The following ELOVL2 variants were observed in gnomAD, a reference collection of about 807,000 sequenced individuals.
ELOVL2 encodes the protein very long chain fatty acid elongase 2.
Under a neutral mutation model 37.7 loss-of-function variants are expected in ELOVL2, and 38 were observed. The ratio of observed to expected loss-of-function variants is 1.01; its 90% confidence interval spans 0.78 to 1.32. ELOVL2 has a LOEUF of 1.32. Ranked by LOEUF, ELOVL2 falls within the 40% of genes most tolerant of loss-of-function variation. The pLI, the probability that ELOVL2 is intolerant of heterozygous loss-of-function variation, is 0.00. For synonymous variants in ELOVL2, 115 were observed against 122.3 expected (o/e 0.94, Z 0.40); for missense variants, 352 against 363.6 (o/e 0.97, Z 0.26).
chr6:11,003,685 T>C (rs1782429067), intron 3 of ELOVL2, among the ~76,000 whole-genome samples: 1 of 152,228 alleles, frequency 6.6e-6, no homozygotes, highest in African/African-American at 2.4e-5. Context: ...ATTACTATCT[T>C]GCTAACTCAT....
Position 10,989,826 on chromosome 6 carries a change from C to T in ELOVL2, c.642G>A (p.Val214=), listed in dbSNP as rs566238323. ...CGCTCATGGTGTGCGTGATGGTGAG[C>T]ACGAACTGCACCTGGGGACGGCAGA... ...YLTQAQLVQF[V]LTITHTMSAV... is the part of the protein sequence containing the mutation. The change falls in exon 7 of 8, where the codon GTG becomes GTA. Residue 214 remains valine (V), a synonymous_variant. Coordinates refer to ENST00000354666, the MANE Select transcript of ELOVL2 (RefSeq NM_017770.4). 200 of 1,614,112 alleles carry T rather than the reference C, an allele frequency of 1.2e-4. 2 individuals carry two copies. In the South Asian group the frequency reaches 1.4e-3, roughly 11 times the overall value.
chr6:11,040,820 A>G (rs1468282125), intron 1 of ELOVL2, among the ~76,000 whole-genome samples: 1 of 152,200 alleles, frequency 6.6e-6, no homozygotes, highest in Non-Finnish European at 1.5e-5. Context: ...AAATATTATC[A>G]TCTTTTACAG....
chr6:10,985,165 T>A (rs761634221), intron 7 of ELOVL2, among the ~76,000 whole-genome samples: 7 of 152,278 alleles, frequency 4.6e-5, no homozygotes, highest in Middle Eastern at 6.8e-3. Context: ...AATGTCTTCT[T>A]TTGAGAAGTG....
chr6:11,002,667 G>C (rs1225956151), intron 3 of ELOVL2, among the ~76,000 whole-genome samples: 3 of 152,218 alleles, frequency 2.0e-5, no homozygotes, highest in African/African-American at 7.2e-5. Flanking sequence ...CTAGAAAGAA[G>C]ACATTTACCT....
rs762453955 is a variant in ELOVL2 at position 11,000,074 on chromosome 6, T to C, written c.333+13A>G. The C allele has an allele frequency of 1.9e-6, 3 of 1,613,604 alleles. No homozygotes were observed. Among genetic ancestry groups the C allele is most frequent in the Non-Finnish European group, 2.5e-6 (3 of 1,179,518 alleles). On this transcript the variant is annotated intron_variant, in intron 4 of 7. Transcript: ENST00000354666. ...ACTGGTTATAGTTGGTTGATTTGCTTCTAGTGGCTCACCCGGATGTCAGCT... is the reference window on the plus strand; with the variant it reads ...ACTGGTTATAGTTGGTTGATTTGCTCCTAGTGGCTCACCCGGATGTCAGCT...
chr6:11,033,663 G>A (rs547511299), intron 1 of ELOVL2, among the ~76,000 whole-genome samples: 1 of 152,288 alleles, frequency 6.6e-6, no homozygotes. Flanking sequence ...CAAGCATATA[G>A]TTAAGATTTT....
At chr6:11,009,945 G>T (rs1039741085) in intron 2 of ELOVL2, among the ~76,000 whole-genome samples, 2 of 152,048 alleles carry the variant, frequency 1.3e-5, no homozygotes, top group Non-Finnish European at 2.9e-5. Context: ...TACAGTAAGC[G>T]ACTGGTGATG....
chr6:11,003,347 C>T (rs1164137545), intron 3 of ELOVL2, among the ~76,000 whole-genome samples: 1 of 152,146 alleles, frequency 6.6e-6, no homozygotes, highest in Non-Finnish European at 1.5e-5. Flanking sequence ...ATGTTCCCCT[C>T]CCTGTGTCCA....
At chr6:10,990,598 C>T (rs1231685043) in intron 5 of ELOVL2, among the ~76,000 whole-genome samples, 156 bp from the exon 6 acceptor site, 1 of 152,002 alleles carries the variant, frequency 6.6e-6, no homozygotes, top group African/African-American at 2.4e-5. Flanking sequence ...TCCCCAATTA[C>T]TGTGCCAGTT....
intron 1 of ELOVL2, among the ~76,000 whole-genome samples, chr6:11,035,782 G>C (rs1782996514): frequency 6.6e-6 from 1 of 152,172 alleles, no homozygotes; most frequent in Admixed American, 6.5e-5. Context: ...AAGTATGCTT[G>C]CACTGGAAGA....
intron 1 of ELOVL2, among the ~76,000 whole-genome samples, chr6:11,022,454 G>GA (rs1466368634): frequency 6.6e-6 from 1 of 152,204 alleles, no homozygotes; most frequent in Non-Finnish European, 1.5e-5. Context: ...AGACAGACCA[G>GA]AATCACTCAC....
At position 11,010,835 on chromosome 6, in the gene ELOVL2, T is replaced by C. The variant is rs538768478; in HGVS notation, c.4-26A>G. The C allele has an allele frequency of 2.5e-5, 40 of 1,576,408 alleles. No individual in the cohort carries two copies. In the South Asian group the frequency reaches 4.5e-4, roughly 18 times the overall value. ...CTAAAAAGAGAAAGAAAAAATGATT[T>C]AAGTGTTTTTTTCTTCTTTTTTTGA... On this transcript the variant is annotated intron_variant, in intron 1 of 7. Coordinates refer to ENST00000354666, the MANE Select transcript of ELOVL2 (RefSeq NM_017770.4).
chr6:11,016,990 A>G (rs1162761832), intron 1 of ELOVL2, among the ~76,000 whole-genome samples: 1 of 152,162 alleles, frequency 6.6e-6, no homozygotes, highest in Non-Finnish European at 1.5e-5. Flanking sequence ...GGGAGTAATG[A>G]GCTAAGTTGG....
intron 4 of ELOVL2, among the ~76,000 whole-genome samples, chr6:10,996,321 C>G (rs1264543972): frequency 2.0e-5 from 3 of 152,134 alleles, no homozygotes; most frequent in Non-Finnish European, 4.4e-5. Flanking sequence ...GTATGGTATG[C>G]ACTGGTTTGT....
chr6:11,010,688 A>G, intron 2 of ELOVL2, 58 bp downstream of exon 2: 1 of 1,338,568 alleles, frequency 7.5e-7, no homozygotes, highest in Non-Finnish European at 1.1e-6. Context: ...CCTTTCTATA[A>G]CTAAATGGTG....
At position 11,044,160 on chromosome 6, in the gene ELOVL2, C is replaced by G; in HGVS notation, c.3+68G>C. 7.0e-7 allele frequency: 1 copy of G among 1,432,312 alleles called. No homozygotes were observed. The highest frequency in any genetic ancestry group is 9.2e-7 in the Non-Finnish European group (1 of 1,089,100). 88.7% of individuals were successfully genotyped at this position (1,432,312 alleles called of 1,614,324 possible). A position where few individuals can be genotyped will look rare whatever the true frequency, so the allele number is the denominator to read the frequency against. ...CCGGCGCCCGCTCGGCCCTTTCCCG[C>G]CCGGTGCGTGGGTCCAGGAGAGAAA... On this transcript the variant is annotated intron_variant, in intron 1 of 7. Coordinates refer to ENST00000354666, the MANE Select transcript of ELOVL2 (RefSeq NM_017770.4). The surrounding 1 kb of genome is among the most constrained non-coding windows in gnomAD (Gnocchi z 5.6).
chr6:11,028,433 C>T (rs981842262), intron 1 of ELOVL2, among the ~76,000 whole-genome samples: 1 of 152,114 alleles, frequency 6.6e-6, no homozygotes, highest in Non-Finnish European at 1.5e-5. Context: ...GGTTGGGTGG[C>T]TTCCGTCCAG....
chr6:11,009,074 C>T (rs1581870504), intron 2 of ELOVL2, among the ~76,000 whole-genome samples: 1 of 152,178 alleles, frequency 6.6e-6, no homozygotes, highest in East Asian at 1.9e-4. Flanking sequence ...GGAAAATATA[C>T]AGTGCTGAAT....
chr6:11,029,223 C>CAAAAAAAAAAAAAAAAAAAA (rs376639413), intron 1 of ELOVL2, among the ~76,000 whole-genome samples: 12 of 75,788 alleles, frequency 1.6e-4, no homozygotes, highest in African/African-American at 5.7e-4. Context: ...AGGGAGATCT[C>CAAAAAAAAAAAAAAAAAAAA]AAAAAAAAAA....
Sources: allele counts gnomAD v4.1 joint callset (sites outside exome capture counted in the v4.1 genomes callset), GRCh38; gene constraint gnomAD v4.1.1; non-coding constraint Gnocchi (gnomAD v3.1); transcripts MANE v1.5; gene names NCBI Gene and HGNC (gene_info 2026-07-23, HGNC 2026-07-21).